Variants in FAM193A observed in about 807,000 individuals in gnomAD.
FAM193A encodes family with sequence similarity 193 member A.
FAM193A carries 22 observed loss-of-function variants against 126.5 expected under a neutral mutation model. That is an observed-to-expected ratio of 0.17 (90% CI 0.12 to 0.25). The LOEUF is 0.25. Ranked by LOEUF, FAM193A falls within the 10% of genes least tolerant of loss-of-function variation. The probability of loss-of-function intolerance (pLI) is 1.00; values close to 1 mark genes in which losing one functional copy is unlikely to be tolerated. For synonymous variants in FAM193A, 761 were observed against 646.8 expected, an observed-to-expected ratio of 1.18 and a Z score of -2.68; for missense variants, 1,675 against 1,672.8, an observed-to-expected ratio of 1.00 and a Z score of -0.02.
intron 12 of FAM193A, among the ~76,000 whole-genome samples, chr4:2,664,125 C>G (rs76416531): frequency 2.8e-3 from 423 of 152,272 alleles, no homozygotes; most frequent in African/African-American, 7.7e-3. Context: ...CTGACCACAT[C>G]TCCTTACCAG....
In FAM193A at chr4:2,603,716, C is replaced by T. The variant is rs1462240574; in HGVS notation, c.501+7387C>T. Among the ~76,000 whole-genome samples the T allele has an allele frequency of 2.6e-5, 4 of 151,958 alleles. No individual in the cohort carries two copies. The East Asian group carries it at 5.8e-4, about 22-fold the overall frequency. ...CCTCGTGATCTGCCCACCTTGGCCTCCCAAAGTACAGGTGTGAGTCACTGC... is the reference window on the plus strand; with the variant it reads ...CCTCGTGATCTGCCCACCTTGGCCTTCCAAAGTACAGGTGTGAGTCACTGC... On this transcript the variant is annotated intron_variant, in intron 2 of 20. Coordinates refer to ENST00000637812, the MANE Select transcript of FAM193A (RefSeq NM_001366318.2).
Position 2,699,745 on chromosome 4 carries a change from G to C in FAM193A, c.3573G>C (p.Glu1191Asp). The change falls in exon 19 of 21, where the codon GAG (glutamate) becomes GAC (aspartate). Residue 1191 changes from glutamate (E) to aspartate (D), a missense_variant. Transcript: ENST00000637812. ...GGGAGCACCTGCACCTCCAGGAGGA[G>C]CAGAGGCGGCGGGAGGAGGAGGAGG... ...RAREHLHLQE[E>D]QRRREEEEDE... is the part of the protein sequence containing the mutation. 1 of 1,614,014 alleles carries C rather than the reference G, an allele frequency of 6.2e-7. No individual in the cohort carries two copies. Among genetic ancestry groups the C allele is most frequent in the Non-Finnish European group, 8.5e-7 (1 of 1,179,978 alleles).
intron 1 of FAM193A, among the ~76,000 whole-genome samples, chr4:2,556,241 C>G (rs1738252679): frequency 6.8e-6 from 1 of 148,040 alleles, no homozygotes; most frequent in African/African-American, 2.5e-5. Context: ...GCGTCTCGCT[C>G]TGTTGCCAGG....
intron 13 of FAM193A, among the ~76,000 whole-genome samples, chr4:2,682,623 C>A (rs1043270034): frequency 6.6e-6 from 1 of 152,056 alleles, no homozygotes; most frequent in Admixed American, 6.5e-5. Flanking sequence ...TTTAATTAAG[C>A]GTTTTATGGT....
chr4:2,549,607 A>G (rs1099764), intron 1 of FAM193A, among the ~76,000 whole-genome samples: 1 of 150,190 alleles, frequency 6.7e-6, no homozygotes, highest in African/African-American at 2.4e-5. Context: ...CGTTTTAGCC[A>G]GGATGGTCTC....
chr4:2,664,558 CTTTTTTTTTTTTTT>C lies in FAM193A; in HGVS notation c.2079+1283_2079+1296del, dbSNP rs33958851. On this transcript the variant is annotated intron_variant, in intron 12 of 20. Coordinates refer to ENST00000637812, the MANE Select transcript of FAM193A (RefSeq NM_001366318.2). ...ACCTTTCTCTCTCTCTATTTTCTTT[CTTTTTTTTTTTTTT>C]TTTTTTTTTTTTGAGATGGAGTCTC... 5.5e-5 allele frequency among the ~76,000 whole-genome samples: 4 copies of C among 73,094 alleles called. No homozygotes were observed. The South Asian group carries it at 1.7e-3, about 31-fold the overall frequency. 48.0% of individuals were successfully genotyped at this position (73,094 alleles called of 152,430 possible).
At chr4:2,626,996 GTA>G (rs1257726211) in intron 4 of FAM193A, among the ~76,000 whole-genome samples, 3 of 152,042 alleles carry the variant, frequency 2.0e-5, no homozygotes, top group African/African-American at 7.2e-5. Context: ...GGTAGCTTGT[GTA>G]TGTGCCTGTG....
chr4:2,682,249 G>A (rs763953162), intron 13 of FAM193A, among the ~76,000 whole-genome samples: 1 of 152,108 alleles, frequency 6.6e-6, no homozygotes, highest in African/African-American at 2.4e-5. Context: ...CTCGCAAAGT[G>A]CTGGGATTAC....
At chr4:2,624,040 T>A (rs1358208538) in intron 2 of FAM193A, among the ~76,000 whole-genome samples, 1 of 152,064 alleles carries the variant, frequency 6.6e-6, no homozygotes, top group African/African-American at 2.4e-5. Flanking sequence ...TCTCAGGGCC[T>A]CTTCTAGAAG....
intron 7 of FAM193A, among the ~76,000 whole-genome samples, chr4:2,652,123 A>G (rs1162128312): frequency 6.6e-6 from 1 of 152,108 alleles, no homozygotes; most frequent in East Asian, 1.9e-4. Context: ...ATTGTTTACC[A>G]GGGATTTGCA....
intron 2 of FAM193A, among the ~76,000 whole-genome samples, chr4:2,614,872 C>T (rs948794561): frequency 1.4e-4 from 22 of 152,176 alleles, no homozygotes; most frequent in African/African-American, 5.3e-4. Flanking sequence ...AATGTTGTGA[C>T]ATAAAGTTGT....
intron 13 of FAM193A, among the ~76,000 whole-genome samples, chr4:2,688,847 A>T (rs970880490): frequency 2.6e-5 from 4 of 152,244 alleles, no homozygotes; most frequent in Non-Finnish European, 5.9e-5. Context: ...AGGGGGCCCC[A>T]GCCTGTGCAG....
chr4:2,662,716 A>G, intron 10 of FAM193A, 122 bp from the exon 11 acceptor site: 1 of 664,280 alleles, frequency 1.5e-6, no homozygotes, highest in Non-Finnish European at 2.6e-6. Flanking sequence ...ATGATACTTA[A>G]CTAATACTCT....
intron 2 of FAM193A, among the ~76,000 whole-genome samples, chr4:2,609,325 G>T (rs1168453040): frequency 1.3e-5 from 2 of 152,266 alleles, no homozygotes; most frequent in South Asian, 4.1e-4. Context: ...TCTGGTGGGA[G>T]ATACGGTGAG....
intron 13 of FAM193A, among the ~76,000 whole-genome samples, chr4:2,680,567 G>C (rs761010918): frequency 2.0e-5 from 3 of 152,052 alleles, no homozygotes; most frequent in Non-Finnish European, 2.9e-5. Flanking sequence ...AAACTCCTGG[G>C]CTAAAGCAGT....
intron 6 of FAM193A, among the ~76,000 whole-genome samples, chr4:2,645,890 A>T (rs2109049095): frequency 1.3e-5 from 2 of 152,300 alleles, no homozygotes; most frequent in Admixed American, 1.3e-4. Flanking sequence ...TCTTCAAGTA[A>T]ATCAGATTTT....
intron 1 of FAM193A, among the ~76,000 whole-genome samples, chr4:2,550,259 T>C (rs1216952454): frequency 6.6e-6 from 1 of 151,986 alleles, no homozygotes; most frequent in African/African-American, 2.4e-5. Context: ...TTGGCCAGGC[T>C]GATCTCGAAC....
intron 2 of FAM193A, among the ~76,000 whole-genome samples, chr4:2,624,889 T>G (rs1022620581): frequency 6.6e-6 from 1 of 152,144 alleles, no homozygotes; most frequent in Non-Finnish European, 1.5e-5. Context: ...TGACAATGTC[T>G]CTGTCACCCA....
intron 2 of FAM193A, among the ~76,000 whole-genome samples, chr4:2,605,920 G>C (rs1324622918): frequency 8.8e-6 from 1 of 113,568 alleles, no homozygotes; most frequent in Non-Finnish European, 1.7e-5. Context: ...GCAGTGAGCT[G>C]AGATTGCACC....
Sources: gnomAD v4.1 joint callset for allele counts (sites outside exome capture counted in the v4.1 genomes callset) on GRCh38, gnomAD v4.1.1 for gene constraint, MANE v1.5 for transcripts, NCBI Gene and HGNC (gene_info 2026-07-23, HGNC 2026-07-21) for gene names.